Variants in PPFIA2 observed in about 807,000 individuals in gnomAD.
The protein encoded by PPFIA2 is PPFI scaffold protein A2.
A neutral mutation model predicts 175.5 loss-of-function variants in PPFIA2; 46 were observed. That is an observed-to-expected ratio of 0.26 (90% confidence interval 0.21 to 0.34). The LOEUF is 0.34. Among genes scored for constraint, PPFIA2 ranks in the 10% least tolerant of loss-of-function variants. The pLI is 1.00. For missense variants in PPFIA2, 1,179 were observed against 1,506.1 expected (o/e 0.78, Z 3.60); for synonymous variants, 568 against 511.4 (o/e 1.11, Z -1.49).
chr12:81,298,154 C>T (rs2046957637), intron 23 of PPFIA2: 1 of 152,112 alleles, frequency 6.6e-6, no homozygotes, highest in African/African-American at 2.4e-5. Flanking sequence ...GAACTGCTAT[C>T]ATTTCTGAGG....
rs1040303529 is a variant in PPFIA2 at position 81,277,172 on chromosome 12, G to T, written c.3310+145C>A. The T allele has an allele frequency of 9.7e-6, 6 of 620,082 alleles. 1 individual carries two copies. The highest frequency in any genetic ancestry group is 4.8e-4 in the Middle Eastern group (1 of 2,086). The allele number at this position is 620,082 out of a possible 1,614,324, so 38.4% of individuals were successfully genotyped here. A position where few individuals can be genotyped will look rare whatever the true frequency, so the allele number is the denominator to read the frequency against. ...CTGTTTCTGTATTTTAATTAGAAAA[G>T]AATGGAAAAAAAACAGTAACAATTC... On this transcript the variant is annotated intron_variant, in intron 28 of 32. Coordinates refer to ENST00000549396, the MANE Select transcript of PPFIA2 (RefSeq NM_003625.5).
chr12:81,681,317 A>T (rs1425649971), intron 3 of PPFIA2, among the ~76,000 whole-genome samples: 1 of 152,082 alleles, frequency 6.6e-6, no homozygotes, highest in African/African-American at 2.4e-5. Context: ...AAGTGGGGTT[A>T]TTAGCCAGTC....
chr12:81,664,729 C>T (rs1230433893), intron 4 of PPFIA2, among the ~76,000 whole-genome samples: 1 of 152,126 alleles, frequency 6.6e-6, no homozygotes, highest in East Asian at 1.9e-4. Flanking sequence ...TATAAAGACA[C>T]ATGCACATGC....
intron 4 of PPFIA2, among the ~76,000 whole-genome samples, chr12:81,676,167 G>C (rs2072472552): frequency 6.6e-6 from 1 of 151,984 alleles, no homozygotes; most frequent in Admixed American, 6.6e-5. Flanking sequence ...AGTTGAATCT[G>C]TCTTATTACT....
intron 22 of PPFIA2, among the ~76,000 whole-genome samples, chr12:81,317,381 A>G (rs575180221): frequency 1.3e-4 from 19 of 151,658 alleles, no homozygotes; most frequent in African/African-American, 4.3e-4. Flanking sequence ...CAGCTAAAAA[A>G]TAAGATTTAG....
At chr12:81,270,962 C>T (rs1195906830) in intron 28 of PPFIA2, 1 of 152,054 alleles carries the variant, frequency 6.6e-6, no homozygotes, top group East Asian at 1.9e-4. Context: ...AGTATGTTTC[C>T]TGCCTTAAAG....
At chr12:81,497,602 C>T (rs1156816647) in intron 4 of PPFIA2, among the ~76,000 whole-genome samples, 3 of 132,416 alleles carry the variant, frequency 2.3e-5, no homozygotes, top group African/African-American at 2.9e-5. Context: ...TGCAATGGTG[C>T]GATCTCGGCT....
chr12:81,603,072 CATAGTCTTATTAGA>C, intron 4 of PPFIA2, among the ~76,000 whole-genome samples: 1 of 151,910 alleles, frequency 6.6e-6, no homozygotes, highest in East Asian at 1.9e-4. Context: ...TCAGCCTGGT[CATAGTCTTATTAGA>C]AATTCAAAAC....
intron 6 of PPFIA2, among the ~76,000 whole-genome samples, chr12:81,445,010 TCTA>T (rs1246431688): frequency 3.3e-5 from 5 of 152,106 alleles, no homozygotes; most frequent in Non-Finnish European, 5.9e-5. Flanking sequence ...CACAGGTTTT[TCTA>T]CTAATACTTT....
At chr12:81,483,284 G>A (rs12299854) in intron 4 of PPFIA2, among the ~76,000 whole-genome samples, 17 of 152,144 alleles carry the variant, frequency 1.1e-4, no homozygotes, top group African/African-American at 4.1e-4. Context: ...ATTCATAATA[G>A]CCAATAAATG....
At chr12:81,552,596 T>C (rs1271783320) in intron 4 of PPFIA2, among the ~76,000 whole-genome samples, 1 of 152,016 alleles carries the variant, frequency 6.6e-6, no homozygotes, top group Non-Finnish European at 1.5e-5. Context: ...TTGAACAATA[T>C]AATGAAAAAT....
At chr12:81,667,670 C>G (rs965800122) in intron 4 of PPFIA2, among the ~76,000 whole-genome samples, 4 of 152,010 alleles carry the variant, frequency 2.6e-5, no homozygotes, top group African/African-American at 9.7e-5. Flanking sequence ...GTCATATATT[C>G]CCTCTACATG....
At chr12:81,528,391 A>T (rs7309501) in intron 4 of PPFIA2, among the ~76,000 whole-genome samples, 3,089 of 152,190 alleles carry the variant, frequency 0.02, 110 homozygotes, top group African/African-American at 0.071. Context: ...TACTGAAGAA[A>T]ATATCCGTAC....
rs374749373 is a variant in PPFIA2, at chr12:81,291,244, T to A, written c.2925+3591A>T. On this transcript the variant is annotated intron_variant, in intron 24 of 32. Transcript: ENST00000549396. ...AATGTTATACAGGATCATGTATTAGTTCAATAAACATATAAAACTTAAATG... is the reference window on the plus strand; with the variant it reads ...AATGTTATACAGGATCATGTATTAGATCAATAAACATATAAAACTTAAATG... Among the ~76,000 whole-genome samples, 3 of 151,992 alleles carry A rather than the reference T, an allele frequency of 2.0e-5. No homozygotes were observed. In the East Asian group the frequency reaches 5.8e-4, roughly 29 times the overall value.
At chr12:81,401,896 T>C (rs2042150589) in intron 8 of PPFIA2, among the ~76,000 whole-genome samples, 1 of 152,212 alleles carries the variant, frequency 6.6e-6, no homozygotes, top group Admixed American at 6.6e-5. Flanking sequence ...ATCAGTTAAA[T>C]TTAAGACCAC....
intron 4 of PPFIA2, 76 bp downstream of exon 4, chr12:81,676,715 A>G: frequency 9.9e-7 from 1 of 1,011,722 alleles, no homozygotes; most frequent in East Asian, 3.1e-5. Context: ...AATAATATAC[A>G]AGCAATCAAC....
At chr12:81,442,998 C>T (rs892528319) in intron 6 of PPFIA2, among the ~76,000 whole-genome samples, 1 of 148,860 alleles carries the variant, frequency 6.7e-6, no homozygotes, top group Non-Finnish European at 1.5e-5. Context: ...CACTTAGACA[C>T]ATATGAGTCC....
intron 3 of PPFIA2, among the ~76,000 whole-genome samples, chr12:81,704,316 C>A (rs913404133): frequency 6.6e-6 from 1 of 152,038 alleles, no homozygotes; most frequent in African/African-American, 2.4e-5. Flanking sequence ...ATTTATTGAA[C>A]CCAGTACCTA....
chr12:81,504,108 T>C (rs1370057441), intron 4 of PPFIA2, among the ~76,000 whole-genome samples: 1 of 152,012 alleles, frequency 6.6e-6, no homozygotes, highest in African/African-American at 2.4e-5. Context: ...TATAAATAAA[T>C]TAGGTATTTC....
Sources: allele counts gnomAD v4.1 joint callset (sites outside exome capture counted in the v4.1 genomes callset), GRCh38; gene constraint gnomAD v4.1.1; transcripts MANE v1.5; gene names NCBI Gene and HGNC (gene_info 2026-07-23, HGNC 2026-07-21).